PCDHA9: variants seen among roughly 807,000 people sequenced by gnomAD.
The protein encoded by PCDHA9 is protocadherin alpha-9.
A neutral mutation model predicts 62.0 loss-of-function variants in PCDHA9; 62 were observed. That is an observed-to-expected ratio of 1.00 (90% CI 0.81 to 1.23). The LOEUF (loss-of-function observed/expected upper bound fraction) is 1.23, where lower values mean the gene tolerates loss of function less well. PCDHA9 is among the 50% of genes most tolerant of loss of function. The probability of loss-of-function intolerance (pLI) is 0.00; values close to 1 mark genes in which losing one functional copy is unlikely to be tolerated. For missense variants in PCDHA9, 1,205 were observed against 1,249.8 expected, an observed-to-expected ratio of 0.96 and a Z score of 0.54; for synonymous variants, 557 against 567.6, an observed-to-expected ratio of 0.98 and a Z score of 0.27.
intron 1 of PCDHA9, chr5:140,856,390 G>C: frequency 6.3e-7 from 1 of 1,598,554 alleles, no homozygotes; most frequent in South Asian, 1.1e-5. Flanking sequence ...GGCCGCTGCA[G>C]GTTTTCCATG....
At chr5:140,857,102 A>G in intron 1 of PCDHA9, 1 of 1,597,722 alleles carries the variant, frequency 6.3e-7, no homozygotes, top group Non-Finnish European at 8.6e-7. Context: ...GGTGATTGTC[A>G]CTTCTCTGTC....
rs782301019 is a variant in PCDHA9 at position 140,876,753 on chromosome 5, G to T, written c.2394+25864G>T. On this transcript the variant is annotated intron_variant, in intron 1 of 3. Coordinates refer to ENST00000532602, the MANE Select transcript of PCDHA9 (RefSeq NM_031857.2). ...CGGCCTATGAGCTGGTGGTGACTGC[G>T]CGGGATGGGGGCTCGCCTTCGCTGT... is the stretch of plus-strand genomic sequence containing the variant. 1.1e-5 allele frequency: 17 copies of T among 1,614,128 alleles called. No homozygotes were observed. In the Admixed American group the frequency reaches 2.8e-4, roughly 27 times the overall value.
chr5:140,883,861 G>A (rs1554180326), intron 1 of PCDHA9: 2 of 1,613,126 alleles, frequency 1.2e-6, no homozygotes, highest in South Asian at 1.1e-5. Flanking sequence ...TGGAGCTGTT[G>A]CAGTTCCAGG....
intron 1 of PCDHA9, among the ~76,000 whole-genome samples, chr5:140,941,214 C>CCTTCCTTTCTTT (rs1554214040): frequency 1.6e-5 from 2 of 122,412 alleles, no homozygotes; most frequent in Non-Finnish European, 3.4e-5. Flanking sequence ...TTTCTTTCTT[C>CCTTCCTTTCTTT]CTTTCTTTCT....
intron 1 of PCDHA9, among the ~76,000 whole-genome samples, chr5:140,902,579 A>G (rs2069572489): frequency 6.6e-6 from 1 of 152,078 alleles, no homozygotes. Flanking sequence ...TAAGATTTCA[A>G]TAGTTTTGGG....
intron 1 of PCDHA9, among the ~76,000 whole-genome samples, chr5:140,874,638 C>A (rs2055040349): frequency 6.6e-6 from 1 of 152,272 alleles, no homozygotes; most frequent in South Asian, 2.1e-4. Context: ...AAGTGCTTTA[C>A]TTTTGCTAGA....
intron 1 of PCDHA9, chr5:140,883,143 C>A (rs782699546): frequency 1.2e-6 from 2 of 1,614,042 alleles, no homozygotes; most frequent in South Asian, 1.1e-5. Context: ...GTGGTATATG[C>A]ATTTACCATA....
intron 1 of PCDHA9, among the ~76,000 whole-genome samples, chr5:140,961,887 G>GT (rs35680913): frequency 0.069 from 9,857 of 143,718 alleles, 798 homozygotes; most frequent in African/African-American, 0.2. Flanking sequence ...ACTTACATCA[G>GT]TTTTTTTTTT....
At chr5:140,968,288 C>T (rs782056996) in intron 1 of PCDHA9, 16 of 1,613,976 alleles carry the variant, frequency 9.9e-6, no homozygotes, top group Middle Eastern at 1.6e-4. Context: ...GACCTACTCC[C>T]TTCTGGAGAG....
At chr5:140,919,552 T>C (rs2079193484) in intron 1 of PCDHA9, among the ~76,000 whole-genome samples, 1 of 152,224 alleles carries the variant, frequency 6.6e-6, no homozygotes, top group South Asian at 2.1e-4. Context: ...ATTTACTGAT[T>C]TATATTAAGT....
chr5:140,937,130 C>T (rs899242411), intron 1 of PCDHA9, among the ~76,000 whole-genome samples: 12 of 151,674 alleles, frequency 7.9e-5, no homozygotes, highest in Non-Finnish European at 1.3e-4. Flanking sequence ...CTCCGCCTCC[C>T]GGGTTCATGC....
chr5:140,943,346 G>C (rs2153662502), intron 1 of PCDHA9, among the ~76,000 whole-genome samples: 1 of 151,738 alleles, frequency 6.6e-6, no homozygotes, highest in East Asian at 1.9e-4. Context: ...GACAGGATGA[G>C]AGTAGAGGAA....
At chr5:140,965,851 A>C (rs1257954575) in intron 1 of PCDHA9, among the ~76,000 whole-genome samples, 1 of 152,252 alleles carries the variant, frequency 6.6e-6, no homozygotes, top group Non-Finnish European at 1.5e-5. Flanking sequence ...GCCAAGGCAC[A>C]CACTGAAAAT....
chr5:140,926,791 G>A, intron 1 of PCDHA9: 6 of 1,439,200 alleles, frequency 4.2e-6, no homozygotes, highest in East Asian at 2.5e-5. Context: ...GCCGGCAGGA[G>A]CGTGCTCTTC....
At chr5:140,939,603 C>T (rs1158258856) in intron 1 of PCDHA9, among the ~76,000 whole-genome samples, 1 of 152,068 alleles carries the variant, frequency 6.6e-6, no homozygotes, top group Non-Finnish European at 1.5e-5. Flanking sequence ...TGCTCAAAAA[C>T]AGAACAAGGA....
intron 1 of PCDHA9, among the ~76,000 whole-genome samples, chr5:140,885,818 G>C (rs2060726718): frequency 6.6e-6 from 1 of 151,914 alleles, no homozygotes; most frequent in African/African-American, 2.4e-5. Flanking sequence ...ATTTGTATTT[G>C]ATCTTCTTTG....
At chr5:140,982,900 C>G (rs1443607900) in intron 3 of PCDHA9, among the ~76,000 whole-genome samples, 1 of 151,932 alleles carries the variant, frequency 6.6e-6, no homozygotes, top group African/African-American at 2.4e-5. Flanking sequence ...ATCTGGTGGC[C>G]TTATGCACAG....
At chr5:140,860,183 C>G (rs1286653695) in intron 1 of PCDHA9, 2 of 149,278 alleles carry the variant, frequency 1.3e-5, no homozygotes, top group Non-Finnish European at 3.0e-5. Flanking sequence ...ATATGATGGG[C>G]TCTCCTTACA....
intron 1 of PCDHA9, chr5:140,967,204 G>T: frequency 3.7e-6 from 6 of 1,613,634 alleles, no homozygotes; most frequent in Non-Finnish European, 5.1e-6. Context: ...ACAACTCACC[G>T]CGTTTCCCGC....
Sources: gnomAD v4.1 joint callset for allele counts (sites outside exome capture counted in the v4.1 genomes callset) on GRCh38, gnomAD v4.1.1 for gene constraint, MANE v1.5 for transcripts, NCBI Gene and HGNC (gene_info 2026-07-23, HGNC 2026-07-21) for gene names.